CTNNA2: variants seen among roughly 807,000 people sequenced by gnomAD.
CTNNA2 encodes catenin alpha-2.
Under a neutral mutation model 101.0 loss-of-function variants are expected in CTNNA2, and 42 were observed. That is an observed-to-expected ratio of 0.42 (90% confidence interval 0.32 to 0.54). CTNNA2 has a LOEUF of 0.54. Ranked by LOEUF, CTNNA2 falls within the 20% of genes least tolerant of loss-of-function variation. The probability of loss-of-function intolerance (pLI) is 0.14; values close to 1 mark genes in which losing one functional copy is unlikely to be tolerated. For missense variants in CTNNA2, 871 were observed against 1,223.1 expected (o/e 0.71, Z 4.29); for synonymous variants, 450 against 456.4 (o/e 0.99, Z 0.18).
intron 7 of CTNNA2, among the ~76,000 whole-genome samples, chr2:80,014,112 CATTATT>C: frequency 6.6e-6 from 1 of 152,094 alleles, no homozygotes; most frequent in Non-Finnish European, 1.5e-5. Flanking sequence ...TGCTAAGTAG[CATTATT>C]ATTATTTGTA....
At chr2:79,215,848 AGC>A (rs1674249172) in intron 2 of CTNNA2, among the ~76,000 whole-genome samples, 1 of 152,012 alleles carries the variant, frequency 6.6e-6, no homozygotes, top group African/African-American at 2.4e-5. Flanking sequence ...AGGGTGGAGG[AGC>A]AGAGGCTGAG....
chr2:79,231,215 G>T (rs1254222239), intron 2 of CTNNA2, among the ~76,000 whole-genome samples: 2 of 152,298 alleles, frequency 1.3e-5, no homozygotes, highest in South Asian at 4.2e-4. Context: ...AACTTGAATT[G>T]TATCTCCCAA....
At chr2:79,417,158 T>C (rs1678493773) in intron 4 of CTNNA2, among the ~76,000 whole-genome samples, 2 of 152,092 alleles carry the variant, frequency 1.3e-5, no homozygotes, top group Non-Finnish European at 2.9e-5. Context: ...ATTTAAGGGA[T>C]ATGAACTGGT....
intron 2 of CTNNA2, among the ~76,000 whole-genome samples, chr2:79,673,595 T>G (rs2104597688): frequency 6.6e-6 from 1 of 152,350 alleles, no homozygotes; most frequent in Middle Eastern, 3.4e-3. Flanking sequence ...ATTACCTCTT[T>G]CAGCATTTTT....
chr2:80,394,006 G>A (rs139314800), intron 8 of CTNNA2, among the ~76,000 whole-genome samples: 46 of 152,284 alleles, frequency 3.0e-4, no homozygotes, highest in African/African-American at 1.0e-3. Flanking sequence ...CACCCACTGA[G>A]TTATAATAAA....
intron 7 of CTNNA2, among the ~76,000 whole-genome samples, chr2:80,358,077 G>A (rs886627291): frequency 1.3e-5 from 2 of 152,018 alleles, no homozygotes; most frequent in African/African-American, 4.8e-5. Flanking sequence ...CTGGGGAAAC[G>A]TCTATAGCCT....
intron 6 of CTNNA2, among the ~76,000 whole-genome samples, chr2:79,895,753 G>A (rs547721198): frequency 6.6e-6 from 1 of 150,514 alleles, no homozygotes; most frequent in African/African-American, 2.4e-5. Flanking sequence ...TAAGGGAGAG[G>A]ATTTTGGACA....
At chr2:79,966,214 C>T (rs957155991) in intron 7 of CTNNA2, among the ~76,000 whole-genome samples, 12 of 151,616 alleles carry the variant, frequency 7.9e-5, no homozygotes, top group Non-Finnish European at 1.6e-4. Flanking sequence ...TCCTTGCTTC[C>T]GTCTTATATA....
intron 7 of CTNNA2, among the ~76,000 whole-genome samples, chr2:79,956,767 G>A (rs1689248377): frequency 6.8e-6 from 1 of 147,176 alleles, no homozygotes; most frequent in South Asian, 2.2e-4. Context: ...TCCAAAGACA[G>A]AAAGAGTAAT....
At chr2:79,488,318 CAAAAAAAAAAAAAAAAA>C (rs61641596) in intron 4 of CTNNA2, among the ~76,000 whole-genome samples, 5 of 99,876 alleles carry the variant, frequency 5.0e-5, no homozygotes, top group African/African-American at 1.6e-4. Context: ...AACTCCATCT[CAAAAAAAAAAAAAAAAA>C]AAAAAAAACA....
intron 3 of CTNNA2, among the ~76,000 whole-genome samples, chr2:79,817,243 C>T (rs75498559): frequency 0.021 from 3,087 of 149,240 alleles, 121 homozygotes; most frequent in African/African-American, 0.072. Flanking sequence ...CTTCATTTCA[C>T]TTCATGCATT....
intron 1 of CTNNA2, chr2:79,523,222 T>C (rs905796490): frequency 2.3e-6 from 1 of 444,090 alleles, no homozygotes; most frequent in African/African-American, 2.0e-5. Context: ...AATGTCTGGG[T>C]TGATCTGCCT....
At chr2:80,426,771 C>T (rs960920384) in intron 9 of CTNNA2, among the ~76,000 whole-genome samples, 3 of 151,898 alleles carry the variant, frequency 2.0e-5, no homozygotes, top group Non-Finnish European at 4.4e-5. Context: ...GAATCAGCCA[C>T]ACTTGCCATC....
intron 3 of CTNNA2, among the ~76,000 whole-genome samples, chr2:79,314,170 C>T (rs1401534733): frequency 1.3e-5 from 2 of 152,150 alleles, no homozygotes; most frequent in East Asian, 3.9e-4. Context: ...TCAGATGTCT[C>T]CAGACTCTAA....
At chr2:79,954,279 A>G (rs1689075832) in intron 7 of CTNNA2, among the ~76,000 whole-genome samples, 1 of 152,190 alleles carries the variant, frequency 6.6e-6, no homozygotes, top group Non-Finnish European at 1.5e-5. Context: ...TCGAGATGAG[A>G]GTTGGGTGGG....
intron 2 of CTNNA2, among the ~76,000 whole-genome samples, chr2:79,309,058 A>G (rs1294909020): frequency 6.6e-6 from 1 of 151,942 alleles, no homozygotes; most frequent in African/African-American, 2.4e-5. Flanking sequence ...ATATTTTTGT[A>G]TTCTCCAGAC....
At chr2:80,537,574 G>T (rs754620565) in intron 9 of CTNNA2, among the ~76,000 whole-genome samples, 1 of 151,328 alleles carries the variant, frequency 6.6e-6, no homozygotes, top group Non-Finnish European at 1.5e-5. Flanking sequence ...CCACAGCCTC[G>T]CAAGCATCTG....
chr2:79,843,234 C>A (rs1679962572), intron 3 of CTNNA2, among the ~76,000 whole-genome samples: 1 of 152,208 alleles, frequency 6.6e-6, no homozygotes, highest in Non-Finnish European at 1.5e-5. Context: ...TATGCTCATG[C>A]ATTTACACCT....
At chr2:80,617,525 A>G (rs1698949253) in intron 17 of CTNNA2, among the ~76,000 whole-genome samples, 1 of 151,814 alleles carries the variant, frequency 6.6e-6, no homozygotes, top group Non-Finnish European at 1.5e-5. Context: ...GTACAGAAAA[A>G]GTCAAATATA....
Sources: gnomAD v4.1 joint callset for allele counts (sites outside exome capture counted in the v4.1 genomes callset) on GRCh38, gnomAD v4.1.1 for gene constraint, MANE v1.5 for transcripts, NCBI Gene and HGNC (gene_info 2026-07-23, HGNC 2026-07-21) for gene names.